Variants in HAPLN1 observed in about 807,000 individuals in gnomAD.
HAPLN1 encodes the protein hyaluronan and proteoglycan link protein 1.
Under a neutral mutation model 36.5 loss-of-function variants are expected in HAPLN1, and 13 were observed. The ratio of observed to expected loss-of-function variants is 0.36; its 90% confidence interval spans 0.23 to 0.57. The LOEUF is 0.57. HAPLN1 is among the 20% of genes least tolerant of loss of function. The pLI is 0.83. For missense variants in HAPLN1, 407 were observed against 439.7 expected (o/e 0.93, Z 0.66); for synonymous variants, 202 against 169.8 (o/e 1.19, Z -1.48).
intron 1 of HAPLN1, among the ~76,000 whole-genome samples, chr5:83,687,643 A>G (rs958666279): frequency 1.3e-5 from 2 of 152,228 alleles, no homozygotes; most frequent in African/African-American, 2.4e-5. Context: ...TAATGTCCAC[A>G]TTGTATTATT....
At position 83,639,110 on chromosome 5, in the gene HAPLN1, A is replaced by T. The variant is rs1749605643; in HGVS notation, c.*2386T>A. 1 of 152,024 alleles carries T rather than the reference A, an allele frequency of 6.6e-6. No individual in the cohort carries two copies. Among genetic ancestry groups the T allele is most frequent in the African/African-American group, 2.4e-5 (1 of 41,432 alleles). 9.4% of individuals were successfully genotyped at this position (152,024 alleles called of 1,614,324 possible). ...TTCTTTTTCAGACCTGCTCAGTGAG[A>T]CATCTTGGGGAATGAAGTAGGAAAA... On this transcript the variant is annotated 3_prime_UTR_variant, in exon 5 of 5. Transcript: ENST00000274341.
At chr5:83,646,489 TAAATC>T (rs971406026) in intron 3 of HAPLN1, among the ~76,000 whole-genome samples, 8 of 152,212 alleles carry the variant, frequency 5.3e-5, no homozygotes, top group African/African-American at 1.9e-4. Context: ...TCAATGGCCT[TAAATC>T]AAGTCACATC....
rs1749661793 is a variant in HAPLN1, at chr5:83,640,799, C to A, written c.*697G>T. The A allele has an allele frequency of 6.6e-6, 1 of 151,572 alleles. No individual in the cohort carries two copies. The highest frequency in any genetic ancestry group is 6.6e-5 in the Admixed American group (1 of 15,222). The allele number at this position is 151,572 out of a possible 1,614,324, so 9.4% of individuals were successfully genotyped here. ...ATTTTAATTATAAGAAGGTAGAAGT[C>A]TTTTTCATTGGTTAAATATTATCTG... On this transcript the variant is annotated 3_prime_UTR_variant, in exon 5 of 5. Transcript: ENST00000274341.
intron 2 of HAPLN1, among the ~76,000 whole-genome samples, chr5:83,656,066 G>A (rs150781164): frequency 6.6e-6 from 1 of 152,042 alleles, no homozygotes; most frequent in African/African-American, 2.4e-5. Context: ...AGTGGCTCAC[G>A]CCTATAATCC....
chr5:83,644,379 A>G lies in HAPLN1; in HGVS notation c.759T>C (p.Phe253=). 6.4e-7 allele frequency: 1 copy of G among 1,562,686 alleles called. No homozygotes were observed. The highest frequency in any genetic ancestry group is 8.7e-7 in the Non-Finnish European group (1 of 1,155,372). The change falls in exon 4 of 5, where the codon TTT becomes TTC. Residue 253 remains phenylalanine, a synonymous_variant. Transcript: ENST00000274341. ...TTATCTTACCATTGAAATTGGATGTAAAACAGAAAACATCATATCTGCTTT... is the reference window on the plus strand; with the variant it reads ...TTATCTTACCATTGAAATTGGATGTGAAACAGAAAACATCATATCTGCTTT... ...KDKSRYDVFC[F]TSNFNGRFYY...
intron 2 of HAPLN1, among the ~76,000 whole-genome samples, chr5:83,666,966 A>G (rs1750567493): frequency 6.6e-6 from 1 of 152,206 alleles, no homozygotes; most frequent in African/African-American, 2.4e-5. Flanking sequence ...CTACTGACAG[A>G]AGCAAAGTTG....
intron 3 of HAPLN1, among the ~76,000 whole-genome samples, chr5:83,647,920 T>C (rs1419486927): frequency 6.6e-6 from 1 of 152,220 alleles, no homozygotes; most frequent in East Asian, 1.9e-4. Context: ...AAATTGCGTT[T>C]CTATTTCTGA....
intron 2 of HAPLN1, among the ~76,000 whole-genome samples, chr5:83,666,934 G>A (rs1258622467): frequency 1.3e-5 from 2 of 152,096 alleles, no homozygotes; most frequent in African/African-American, 4.8e-5. Flanking sequence ...AAGAAGACAA[G>A]GACATGGGCT....
chr5:83,656,822 G>C (rs1750231201), intron 2 of HAPLN1, among the ~76,000 whole-genome samples: 1 of 152,058 alleles, frequency 6.6e-6, no homozygotes, highest in African/African-American at 2.4e-5. Flanking sequence ...AAATCCAGAG[G>C]ACATCATTTA....
chr5:83,682,989 C>A (rs16900734), intron 1 of HAPLN1, among the ~76,000 whole-genome samples: 43,001 of 151,808 alleles, frequency 0.28, 6,601 homozygotes, highest in East Asian at 0.41. Flanking sequence ...CTAGAAACTA[C>A]TGCTGTAGAC....
At chr5:83,706,813 A>C (rs1372654822) in intron 1 of HAPLN1, among the ~76,000 whole-genome samples, 1 of 152,216 alleles carries the variant, frequency 6.6e-6, no homozygotes, top group African/African-American at 2.4e-5. Context: ...AGATGACATG[A>C]TTCTATGTCT....
intron 4 of HAPLN1, among the ~76,000 whole-genome samples, chr5:83,644,105 A>G (rs1749782496): frequency 6.6e-6 from 1 of 152,212 alleles, no homozygotes; most frequent in South Asian, 2.1e-4. Context: ...AAGCCACATA[A>G]CAGTTTCAAT....
intron 1 of HAPLN1, chr5:83,674,513 A>G (rs1249076855): frequency 6.6e-6 from 1 of 152,240 alleles, no homozygotes; most frequent in Non-Finnish European, 1.5e-5. Flanking sequence ...AAGTGATTCT[A>G]AGTGATACGA....
At chr5:83,705,387 C>CAAA (rs762927081) in intron 1 of HAPLN1, among the ~76,000 whole-genome samples, 1,161 of 84,766 alleles carry the variant, frequency 0.014, no homozygotes, top group Non-Finnish European at 0.016. Context: ...TGAAACGTCA[C>CAAA]AAAAAAAAAA....
At chr5:83,712,774 A>G (rs1751822354) in intron 1 of HAPLN1, among the ~76,000 whole-genome samples, 1 of 151,984 alleles carries the variant, frequency 6.6e-6, no homozygotes, top group South Asian at 2.1e-4. Flanking sequence ...TTTTTTTGGT[A>G]TAAATATGTC....
intron 2 of HAPLN1, among the ~76,000 whole-genome samples, chr5:83,658,959 C>T (rs938297449): frequency 6.6e-6 from 1 of 152,068 alleles, no homozygotes; most frequent in East Asian, 1.9e-4. Context: ...TTGCCTTGTG[C>T]CCTCACCTAC....
At chr5:83,716,162 T>C (rs1334275425) in intron 1 of HAPLN1, among the ~76,000 whole-genome samples, 1 of 152,198 alleles carries the variant, frequency 6.6e-6, no homozygotes, top group Non-Finnish European at 1.5e-5. Context: ...GGAATATCCA[T>C]AAGACTTTGT....
chr5:83,648,283 ATT>A (rs200860220), intron 3 of HAPLN1, among the ~76,000 whole-genome samples: 3 of 143,258 alleles, frequency 2.1e-5, no homozygotes, highest in Non-Finnish European at 3.1e-5. Flanking sequence ...AGGATTTACA[ATT>A]TTTTTTTTTG....
rs541412541 is a variant in HAPLN1 at position 83,645,054 on chromosome 5, A to G, written c.473-389T>C. On this transcript the variant is annotated intron_variant, in intron 3 of 4. Coordinates refer to ENST00000274341, the MANE Select transcript of HAPLN1 (RefSeq NM_001884.4). ...AGCTCTGTCACCTAGGGAAAAAGTCAATATTGAATACTAAGAGTTGGTGGC... is the reference window on the plus strand; with the variant it reads ...AGCTCTGTCACCTAGGGAAAAAGTCGATATTGAATACTAAGAGTTGGTGGC... Among the ~76,000 whole-genome samples the G allele has an allele frequency of 4.7e-4, 71 of 152,320 alleles. 1 individual carries two copies. The South Asian group carries it at 0.015, about 31-fold the overall frequency.
Sources: allele counts gnomAD v4.1 joint callset (sites outside exome capture counted in the v4.1 genomes callset), GRCh38; gene constraint gnomAD v4.1.1; transcripts MANE v1.5; gene names NCBI Gene and HGNC (gene_info 2026-07-23, HGNC 2026-07-21).